COPS2: variants seen among roughly 807,000 people sequenced by gnomAD.
COPS2 encodes the protein COP9 signalosome complex subunit 2.
A neutral mutation model predicts 66.1 loss-of-function variants in COPS2; 10 were observed. That is an observed-to-expected ratio of 0.15 (90% CI 0.09 to 0.26). The LOEUF (loss-of-function observed/expected upper bound fraction) is 0.26. Among genes scored for constraint, COPS2 ranks in the 10% least tolerant of loss-of-function variants. The probability of loss-of-function intolerance (pLI) is 1.00; values close to 1 mark genes in which losing one functional copy is unlikely to be tolerated. For missense variants in COPS2, 215 were observed against 513.3 expected (o/e 0.42, Z 5.62); for synonymous variants, 179 against 171.3 (o/e 1.04, Z -0.35).
intron 12 of COPS2, among the ~76,000 whole-genome samples, chr15:49,128,450 T>A (rs2084184924): frequency 6.6e-6 from 1 of 152,026 alleles, no homozygotes; most frequent in Non-Finnish European, 1.5e-5. Context: ...ATAAATACTA[T>A]TCATTAAATA....
intron 1 of COPS2, among the ~76,000 whole-genome samples, chr15:49,150,037 G>C (rs1197814311): frequency 6.6e-6 from 1 of 152,072 alleles, no homozygotes; most frequent in Non-Finnish European, 1.5e-5. Flanking sequence ...GCTCATGCCT[G>C]TAATCCCAGC....
chr15:49,146,008 A>G (rs979911792), intron 1 of COPS2, among the ~76,000 whole-genome samples: 15 of 152,208 alleles, frequency 9.9e-5, no homozygotes, highest in Admixed American at 9.8e-4. Flanking sequence ...ATAGTTTTAT[A>G]GTTATTTCTA....
chr15:49,152,361 A>C (rs914114919), intron 1 of COPS2, among the ~76,000 whole-genome samples: 1 of 152,088 alleles, frequency 6.6e-6, no homozygotes, highest in Non-Finnish European at 1.5e-5. Context: ...ACTGTTAGTA[A>C]ATTGATCATA....
At chr15:49,128,165 T>C (rs147187400) in intron 12 of COPS2, 71 bp from the exon 13 acceptor site, 24,319 of 1,460,112 alleles carry the variant, frequency 0.017, 272 homozygotes, top group African/African-American at 0.021. Flanking sequence ...TAATGTTTCA[T>C]AAAATACAGT....
At chr15:49,153,746 T>C (rs2084378274) in intron 1 of COPS2, among the ~76,000 whole-genome samples, 1 of 152,174 alleles carries the variant, frequency 6.6e-6, no homozygotes, top group South Asian at 2.1e-4. Context: ...TGCAGCAACA[T>C]GGATCTGGAG....
chr15:49,125,111 C>T lies in COPS2; in HGVS notation c.*2839G>A, dbSNP rs2084155218. ...TAAGTCTTACATAAGGTAACAAACA[C>T]TACCACCCACAGTATAGCTCATTTA... On this transcript the variant is annotated 3_prime_UTR_variant, in exon 13 of 13. Coordinates refer to ENST00000388901, the MANE Select transcript of COPS2 (RefSeq NM_004236.4). 1 of 152,142 alleles carries T rather than the reference C, an allele frequency of 6.6e-6. No individual in the cohort carries two copies. The highest frequency in any genetic ancestry group is 2.4e-5 in the African/African-American group (1 of 41,442). 9.4% of individuals were successfully genotyped at this position (152,142 alleles called of 1,614,324 possible). A position where few individuals can be genotyped will look rare whatever the true frequency, so the allele number is the denominator to read the frequency against.
At chr15:49,143,208 A>C (rs1566885125) in intron 3 of COPS2, among the ~76,000 whole-genome samples, 1 of 152,190 alleles carries the variant, frequency 6.6e-6, no homozygotes, top group South Asian at 2.1e-4. Flanking sequence ...AACAGCAAGA[A>C]GGCCAGTGAT....
intron 7 of COPS2, 54 bp downstream of exon 7, chr15:49,134,285 TA>T: frequency 6.4e-7 from 1 of 1,553,900 alleles, no homozygotes; most frequent in Non-Finnish European, 8.7e-7. Context: ...AGAGTTTAAT[TA>T]AACACTTTGA....
chr15:49,130,694 A>C (rs2084201717), intron 10 of COPS2, 25 bp downstream of exon 10: 1 of 1,362,442 alleles, frequency 7.3e-7, no homozygotes, highest in African/African-American at 1.4e-5. Flanking sequence ...AAAGTAATAG[A>C]ATCCAGTTGG....
At chr15:49,136,234 T>C (rs184664861) in intron 6 of COPS2, among the ~76,000 whole-genome samples, 2 of 152,264 alleles carry the variant, frequency 1.3e-5, no homozygotes, top group African/African-American at 4.8e-5. Context: ...TGGAAGAGTT[T>C]AAAAATATTT....
At chr15:49,144,883 G>A (rs751437885) in intron 2 of COPS2, 82 bp downstream of exon 2, 24 of 740,432 alleles carry the variant, frequency 3.2e-5, no homozygotes, top group Admixed American at 1.1e-4. Flanking sequence ...ACATTTCTGA[G>A]ATAAAATCAC....
rs557416775 is a variant in COPS2 at position 49,151,546 on chromosome 15, G to A, written c.54+3979C>T. ...AGTTTCACGGTAGAACGATTGGACT[G>A]CGGAATTAAAACAGTTAGCTTATCA... On this transcript the variant is annotated intron_variant, in intron 1 of 12. Transcript: ENST00000388901. 4.6e-5 allele frequency among the ~76,000 whole-genome samples: 7 copies of A among 152,240 alleles called. No individual in the cohort carries two copies. In the South Asian group the frequency reaches 1.4e-3, roughly 32 times the overall value.
chr15:49,137,364 A>C lies in COPS2; in HGVS notation c.446T>G (p.Phe149Cys). The C allele has an allele frequency of 6.2e-7, 1 of 1,610,646 alleles. No homozygotes were observed. Among genetic ancestry groups the C allele is most frequent in the Non-Finnish European group, 8.5e-7 (1 of 1,177,364 alleles). Residue 149 changes from phenylalanine to cysteine, a missense_variant, in exon 5 of 13, where the codon TTT becomes TGT. By Grantham distance (205) the Phe-to-Cys change is radical. Coordinates refer to ENST00000388901, the MANE Select transcript of COPS2 (RefSeq NM_004236.4). Reference protein sequence around the residue: ...LKDAKNDRLWFKTNTKLGKLY... With the variant: ...LKDAKNDRLWCKTNTKLGKLY... ...AACGGTTACCTTTGTGTTTGTCTTA[A>C]ACCACAGTCTATCATTCTTAGCATC...
At chr15:49,133,031 C>T (rs1464190523) in intron 9 of COPS2, among the ~76,000 whole-genome samples, 1 of 151,344 alleles carries the variant, frequency 6.6e-6, no homozygotes, top group Non-Finnish European at 1.5e-5. Context: ...CTCTATCGCC[C>T]AGGCTGGAGT....
chr15:49,154,031 G>A (rs1244405752), intron 1 of COPS2, among the ~76,000 whole-genome samples: 1 of 152,028 alleles, frequency 6.6e-6, no homozygotes, highest in African/African-American at 2.4e-5. Context: ...TAGAAGAGAT[G>A]ACTTTAAATA....
intron 3 of COPS2, among the ~76,000 whole-genome samples, chr15:49,140,737 C>T (rs570368632): frequency 1.6e-4 from 24 of 152,036 alleles, no homozygotes; most frequent in Admixed American, 1.4e-3. Context: ...TCTCTTTTTA[C>T]TGAGTTCTAT....
chr15:49,145,138 C>T (rs146347935), intron 1 of COPS2, 60 bp from the exon 2 acceptor site: 29 of 860,266 alleles, frequency 3.4e-5, no homozygotes, highest in East Asian at 1.3e-4. Flanking sequence ...CACGTAGCAA[C>T]GTAAAAAGTG....
intron 1 of COPS2, among the ~76,000 whole-genome samples, chr15:49,147,019 TAAC>T (rs1439163308): frequency 6.6e-6 from 1 of 152,160 alleles, no homozygotes; most frequent in Non-Finnish European, 1.5e-5. Context: ...TTCATCTAGT[TAAC>T]TACTGCTTAT....
At chr15:49,129,438 T>C (rs377147814) in intron 11 of COPS2, 39 bp downstream of exon 11, 200 of 881,156 alleles carry the variant, frequency 2.3e-4, no homozygotes, top group Non-Finnish European at 2.5e-4. Context: ...TTTATAACTA[T>C]AAATTATAAA....
Sources: allele counts gnomAD v4.1 joint callset (sites outside exome capture counted in the v4.1 genomes callset), GRCh38; gene constraint gnomAD v4.1.1; transcripts MANE v1.5; gene names NCBI Gene and HGNC (gene_info 2026-07-23, HGNC 2026-07-21).